Variants in RBFOX1 observed in about 807,000 individuals in gnomAD.
The protein encoded by RBFOX1 is RNA binding protein fox-1 homolog 1.
RBFOX1 carries 8 observed loss-of-function variants against 57.7 expected under a neutral mutation model. That is an observed-to-expected ratio of 0.14 (90% CI 0.08 to 0.25). The LOEUF is 0.25. Ranked by LOEUF, RBFOX1 falls within the 10% of genes least tolerant of loss-of-function variation. The pLI, the probability that RBFOX1 is intolerant of heterozygous loss-of-function variation, is 1.00. For missense variants in RBFOX1, 611 were observed against 548.5 expected, an observed-to-expected ratio of 1.11 and a Z score of -1.14; for synonymous variants, 326 against 222.4, an observed-to-expected ratio of 1.47 and a Z score of -4.15.
At chr16:5,290,027 A>T (rs1398465103) in intron 1 of RBFOX1, among the ~76,000 whole-genome samples, 1 of 152,260 alleles carries the variant, frequency 6.6e-6, no homozygotes, top group African/African-American at 2.4e-5. Flanking sequence ...ATGCAATGGA[A>T]TATTATTCAG....
intron 3 of RBFOX1, among the ~76,000 whole-genome samples, chr16:6,930,611 T>G (rs937963856): frequency 6.6e-6 from 1 of 152,132 alleles, no homozygotes; most frequent in African/African-American, 2.4e-5. Context: ...AGTTTTACCA[T>G]GTTGGCCAGG....
intron 1 of RBFOX1, among the ~76,000 whole-genome samples, chr16:6,250,332 C>T (rs548315102): frequency 1.3e-5 from 2 of 152,188 alleles, no homozygotes; most frequent in South Asian, 2.1e-4. Flanking sequence ...ATTTTGCAAG[C>T]CCATATTATT....
rs532900109 is a variant in RBFOX1, at chr16:7,399,223, G to A, written c.28-118924G>A. On this transcript the variant is annotated intron_variant, in intron 4 of 15. Transcript: ENST00000550418. Reference sequence around the variant, plus strand: ...AACATTTTGGGAGGCCGAAGCAGGTGGATTACCTGAGGTCAGTAGTTTGAG... The same window carrying A: ...AACATTTTGGGAGGCCGAAGCAGGTAGATTACCTGAGGTCAGTAGTTTGAG... Among the ~76,000 whole-genome samples the A allele has an allele frequency of 7.2e-5, 11 of 152,328 alleles. No homozygotes were observed. In the South Asian group the frequency reaches 2.1e-3, roughly 29 times the overall value.
chr16:6,217,286 C>G (rs2097342091), intron 1 of RBFOX1, among the ~76,000 whole-genome samples: 1 of 143,424 alleles, frequency 7.0e-6, no homozygotes, highest in African/African-American at 2.6e-5. Flanking sequence ...CCAAAAATGT[C>G]TGAATACTAC....
In RBFOX1 at chr16:7,708,407, G is replaced by A. The variant is rs756816734; in HGVS notation, c.996-649G>A. ...TGAGTAAATGTCATTAAGATTTGTT[G>A]TTTCAAATGCCTCCCCCTTCCCAGA... is the stretch of plus-strand genomic sequence containing the variant. On this transcript the variant is annotated intron_variant, in intron 14 of 15. Coordinates refer to ENST00000550418, the MANE Select transcript of RBFOX1 (RefSeq NM_018723.4). Among the ~76,000 whole-genome samples the A allele has an allele frequency of 2.0e-4, 30 of 152,162 alleles. 1 individual carries two copies. The highest frequency in any genetic ancestry group is 1.2e-3 in the Admixed American group (18 of 15,272).
At chr16:7,524,399 T>G (rs1213541950) in intron 5 of RBFOX1, among the ~76,000 whole-genome samples, 2 of 152,204 alleles carry the variant, frequency 1.3e-5, no homozygotes, top group African/African-American at 4.8e-5. Context: ...TTCTATTTCA[T>G]GTAGGCCTCC....
chr16:6,176,005 C>CT (rs2097004046), intron 1 of RBFOX1, among the ~76,000 whole-genome samples: 1 of 152,112 alleles, frequency 6.6e-6, no homozygotes, highest in African/African-American at 2.4e-5. Context: ...ATTGGTATTT[C>CT]TTTTTCCCAC....
chr16:7,335,155 CTG>C (rs1420458436), intron 4 of RBFOX1, among the ~76,000 whole-genome samples: 2 of 152,336 alleles, frequency 1.3e-5, no homozygotes, highest in Non-Finnish European at 2.9e-5. Flanking sequence ...GGAGAAAAAA[CTG>C]TATCACTCAC....
intron 2 of RBFOX1, 42 bp from the exon 3 acceptor site, chr16:6,654,561 C>G (rs768551785): frequency 1.2e-5 from 17 of 1,452,608 alleles, no homozygotes; most frequent in Non-Finnish European, 1.6e-5. Context: ...AGTCTGACTC[C>G]TGTTCTTTCT....
At chr16:6,648,885 G>C (rs1029984863) in intron 2 of RBFOX1, among the ~76,000 whole-genome samples, 2 of 152,110 alleles carry the variant, frequency 1.3e-5, no homozygotes, top group African/African-American at 4.8e-5. Context: ...ATGATGTTTG[G>C]AATGTGTGTA....
intron 1 of RBFOX1, among the ~76,000 whole-genome samples, chr16:6,155,663 A>C (rs1277714893): frequency 6.6e-6 from 1 of 152,084 alleles, no homozygotes; most frequent in Non-Finnish European, 1.5e-5. Flanking sequence ...CTATCCCACC[A>C]ACTCTTAACT....
At chr16:5,677,840 T>A (rs2050212949) in intron 3 of RBFOX1, among the ~76,000 whole-genome samples, 1 of 152,142 alleles carries the variant, frequency 6.6e-6, no homozygotes, top group African/African-American at 2.4e-5. Flanking sequence ...GTAAAAGTCT[T>A]ATGAAGATGG....
intron 1 of RBFOX1, among the ~76,000 whole-genome samples, chr16:5,293,011 GA>G (rs1374973943): frequency 6.6e-6 from 1 of 151,988 alleles, no homozygotes; most frequent in Non-Finnish European, 1.5e-5. Flanking sequence ...TCTGGAGGTG[GA>G]AAGTCAAACT....
chr16:7,267,260 C>T (rs914054735), intron 4 of RBFOX1, among the ~76,000 whole-genome samples: 2 of 151,176 alleles, frequency 1.3e-5, no homozygotes, highest in East Asian at 2.0e-4. Context: ...TTTAGCTGGG[C>T]ACGGTGGCTC....
rs376559203 is a variant in RBFOX1, at chr16:6,258,123, G to A, written c.-126-58872G>A. Among the ~76,000 whole-genome samples, 4 of 152,038 alleles carry A rather than the reference G, an allele frequency of 2.6e-5. No homozygotes were observed. The East Asian group carries it at 7.7e-4, about 29-fold the overall frequency. Reference sequence around the variant, plus strand: ...CCATGCCCTTATCCCATCATCTTTTGTAACGTTTTATTTATTTTTAAAACT... The same window carrying A: ...CCATGCCCTTATCCCATCATCTTTTATAACGTTTTATTTATTTTTAAAACT... On this transcript the variant is annotated intron_variant, in intron 1 of 15. Transcript: ENST00000550418.
chr16:7,040,587 C>G (rs934124899), intron 3 of RBFOX1, among the ~76,000 whole-genome samples: 11 of 152,068 alleles, frequency 7.2e-5, no homozygotes, highest in African/African-American at 2.7e-4. Context: ...GGTCTGGTTC[C>G]CAGGACATCA....
At chr16:6,103,305 A>C (rs1048867343) in intron 1 of RBFOX1, among the ~76,000 whole-genome samples, 1 of 152,204 alleles carries the variant, frequency 6.6e-6, no homozygotes, top group Non-Finnish European at 1.5e-5. Context: ...CATATGACAA[A>C]AGATGGGAGA....
At chr16:5,763,401 C>G (rs545760066) in intron 3 of RBFOX1, among the ~76,000 whole-genome samples, 1 of 152,166 alleles carries the variant, frequency 6.6e-6, no homozygotes, top group Non-Finnish European at 1.5e-5. Context: ...CGTGTGTCCT[C>G]GGGCTGGGCT....
At chr16:5,969,443 C>T (rs1473621218) in intron 4 of RBFOX1, among the ~76,000 whole-genome samples, 4 of 148,626 alleles carry the variant, frequency 2.7e-5, no homozygotes, top group African/African-American at 7.4e-5. Context: ...TCCCAAGTAG[C>T]TGGGATTACA....
Sources: gnomAD v4.1 joint callset for allele counts (sites outside exome capture counted in the v4.1 genomes callset) on GRCh38, gnomAD v4.1.1 for gene constraint, MANE v1.5 for transcripts, NCBI Gene and HGNC (gene_info 2026-07-23, HGNC 2026-07-21) for gene names.